Variants in CDCP1 observed in about 807,000 individuals in gnomAD.
CDCP1 encodes CUB domain-containing protein 1.
A neutral mutation model predicts 60.2 loss-of-function variants in CDCP1; 29 were observed. That is an observed-to-expected ratio of 0.48 (90% CI 0.36 to 0.66). The LOEUF is 0.66. Ranked by LOEUF, CDCP1 falls within the 30% of genes least tolerant of loss-of-function variation. The pLI, the probability that CDCP1 is intolerant of heterozygous loss-of-function variation, is 0.00. For missense variants in CDCP1, 876 were observed against 1,074.3 expected (o/e 0.82, Z 2.58); for synonymous variants, 387 against 431.1 (o/e 0.90, Z 1.27).
At chr3:45,126,109 T>TCTTTCTTTC (rs1185056155) in intron 1 of CDCP1, among the ~76,000 whole-genome samples, 3 of 12,046 alleles carry the variant, frequency 2.5e-4, no homozygotes, top group African/African-American at 9.2e-4. Flanking sequence ...TGTCTCTCTC[T>TCTTTCTTTC]CTTTCTTTCT....
At chr3:45,139,954 T>C (rs142322787) in intron 1 of CDCP1, among the ~76,000 whole-genome samples, 6 of 152,340 alleles carry the variant, frequency 3.9e-5, no homozygotes, top group Non-Finnish European at 7.4e-5. Flanking sequence ...AAACTGCTTG[T>C]CTGCTCTAAG....
intron 1 of CDCP1, among the ~76,000 whole-genome samples, chr3:45,130,101 G>C (rs1170128052): frequency 6.6e-6 from 1 of 151,290 alleles, no homozygotes; most frequent in African/African-American, 2.4e-5. Context: ...TAAGATTTGG[G>C]TACTTAAGTC....
chr3:45,103,749 C>T (rs555101598), intron 4 of CDCP1, among the ~76,000 whole-genome samples: 29 of 152,300 alleles, frequency 1.9e-4, no homozygotes, highest in Admixed American at 3.9e-4. Context: ...CACACATGCC[C>T]GTTTCCCTTG....
intron 2 of CDCP1, 47 bp from the exon 3 acceptor site, chr3:45,112,492 C>A (rs1219705034): frequency 6.3e-7 from 1 of 1,578,512 alleles, no homozygotes; most frequent in South Asian, 1.2e-5. Context: ...TGCTCCAAGG[C>A]CCCACACCAC....
At chr3:45,115,663 A>T (rs1433770049) in intron 2 of CDCP1, among the ~76,000 whole-genome samples, 1 of 152,194 alleles carries the variant, frequency 6.6e-6, no homozygotes, top group Non-Finnish European at 1.5e-5. Context: ...ATAAATTAAT[A>T]TAGGGGAGAA....
At position 45,136,045 on chromosome 3, in the gene CDCP1, G is replaced by A. The variant is rs1699185671; in HGVS notation, c.82+10161C>T. On this transcript the variant is annotated intron_variant, in intron 1 of 8. Coordinates refer to ENST00000296129, the MANE Select transcript of CDCP1 (RefSeq NM_022842.5). ...CAGATGGTGAGTCCTTGGAGAGCAA[G>A]AGATAAGGGCACACAGAGCTAGATG... Among the ~76,000 whole-genome samples the A allele has an allele frequency of 2.0e-5, 3 of 152,182 alleles. No homozygotes were observed. The South Asian group carries it at 6.2e-4, about 31-fold the overall frequency.
At chr3:45,111,376 A>G (rs1266864732) in intron 3 of CDCP1, among the ~76,000 whole-genome samples, 1 of 152,216 alleles carries the variant, frequency 6.6e-6, no homozygotes, top group Non-Finnish European at 1.5e-5. Flanking sequence ...ATGCCTGAAC[A>G]CTTAACAGTC....
intron 4 of CDCP1, among the ~76,000 whole-genome samples, chr3:45,101,445 C>T (rs1171314933): frequency 6.6e-6 from 1 of 152,160 alleles, no homozygotes; most frequent in Non-Finnish European, 1.5e-5. Context: ...GGTGGTTGCA[C>T]TGAGGAGACA....
chr3:45,112,475 T>G (rs1336027852), intron 2 of CDCP1, 30 bp from the exon 3 acceptor site: 1 of 1,596,178 alleles, frequency 6.3e-7, no homozygotes, highest in Admixed American at 1.7e-5. Context: ...GCAATTTTGA[T>G]CACAGATGCT....
intron 2 of CDCP1, among the ~76,000 whole-genome samples, chr3:45,117,730 G>A (rs1559395895): frequency 6.6e-6 from 1 of 152,006 alleles, no homozygotes; most frequent in Non-Finnish European, 1.5e-5. Flanking sequence ...CCAAATAGCT[G>A]GGATTACAGG....
chr3:45,143,484 C>T (rs1247651360), intron 1 of CDCP1, among the ~76,000 whole-genome samples: 1 of 152,158 alleles, frequency 6.6e-6, no homozygotes, highest in Admixed American at 6.5e-5. Flanking sequence ...CAACTGGGGA[C>T]TGGTTAAAGC....
intron 1 of CDCP1, among the ~76,000 whole-genome samples, chr3:45,136,065 T>A (rs2126008575): frequency 6.6e-6 from 1 of 152,300 alleles, no homozygotes; most frequent in Non-Finnish European, 1.5e-5. Flanking sequence ...CACACAGAGC[T>A]AGATGCACAA....
At position 45,110,517 on chromosome 3, in the gene CDCP1, C is replaced by T. The variant is rs766132794; in HGVS notation, c.980G>A (p.Arg327Gln). Residue 327 changes from arginine to glutamine, a missense_variant, in exon 4 of 9, where the codon CGG (arginine) becomes CAG (glutamine). Arg to Gln is a conservative substitution (Grantham distance 43). Transcript: ENST00000296129. ...DQDAQSPGIL[R>Q]LQFQVLVQHP... The stretch of plus-strand genomic sequence containing the variant: ...TTGGACCAAAACTTGGAACTGCAGC[C>T]GGAGGATCCCTGGACTTTGGGCATC... The T allele has an allele frequency of 6.2e-6, 10 of 1,614,066 alleles. No individual in the cohort carries two copies. The highest frequency in any genetic ancestry group is 2.2e-5 in the East Asian group (1 of 44,896).
In CDCP1 at chr3:45,091,063, G is replaced by T; in HGVS notation, c.1993+110C>A. On this transcript the variant is annotated intron_variant, in intron 7 of 8. Transcript: ENST00000296129. This position sits in a 1 kb window ranked among gnomAD's most constrained non-coding sequence, Gnocchi z 4.8. ...TGATGCAATAGCTGACTGATACATG[G>T]ACAGTCAGGACTCAATCTGTGATTC... 8.4e-7 allele frequency: 1 copy of T among 1,197,254 alleles called. No homozygotes were observed. The highest frequency in any genetic ancestry group is 1.2e-6 in the Non-Finnish European group (1 of 851,274). 74.2% of individuals were successfully genotyped at this position (1,197,254 alleles called of 1,614,324 possible).
chr3:45,130,825 A>G (rs72881566), intron 1 of CDCP1, among the ~76,000 whole-genome samples: 3,002 of 152,168 alleles, frequency 0.02, 109 homozygotes, highest in African/African-American at 0.068. Flanking sequence ...AGAAACCAAT[A>G]GTATATTTAC....
At chr3:45,110,400 C>A in intron 4 of CDCP1, 73 bp downstream of exon 4, 1 of 1,559,222 alleles carries the variant, frequency 6.4e-7, no homozygotes, top group South Asian at 1.2e-5. Context: ...AAGGGAGCCT[C>A]ACCCAGGCAG....
intron 1 of CDCP1, among the ~76,000 whole-genome samples, chr3:45,122,872 C>T (rs1175579106): frequency 6.6e-6 from 1 of 152,172 alleles, no homozygotes; most frequent in Non-Finnish European, 1.5e-5. Flanking sequence ...TAAAAACAGC[C>T]AGAGTCCCTG....
chr3:45,112,564 A>C (rs1410891620), intron 2 of CDCP1, 119 bp from the exon 3 acceptor site: 15 of 1,428,076 alleles, frequency 1.1e-5, no homozygotes, highest in Non-Finnish European at 1.3e-5. Flanking sequence ...GGTGGCCTTT[A>C]CCAGGCAGGG....
At chr3:45,140,697 G>A (rs993913640) in intron 1 of CDCP1, among the ~76,000 whole-genome samples, 2 of 152,180 alleles carry the variant, frequency 1.3e-5, no homozygotes, top group African/African-American at 4.8e-5. Context: ...ACCTACTCAA[G>A]ACCACCTCTC....
Sources: gnomAD v4.1 joint callset for allele counts (sites outside exome capture counted in the v4.1 genomes callset) on GRCh38, gnomAD v4.1.1 for gene constraint, Gnocchi (gnomAD v3.1) non-coding constraint, MANE v1.5 for transcripts, NCBI Gene and HGNC (gene_info 2026-07-23, HGNC 2026-07-21) for gene names.